PCSK5: variants seen among roughly 807,000 people sequenced by gnomAD.
The protein encoded by PCSK5 is proprotein convertase subtilisin/kexin type 5, also known as prohormone convertase 5.
A neutral mutation model predicts 233.2 loss-of-function variants in PCSK5; 129 were observed. The observed-to-expected ratio is 0.55, with a 90% CI of 0.48 to 0.64. PCSK5 has a LOEUF of 0.64. Among genes scored for constraint, PCSK5 ranks in the 30% least tolerant of loss-of-function variants. The probability of loss-of-function intolerance (pLI) is 0.00; values close to 1 mark genes in which losing one functional copy is unlikely to be tolerated. For synonymous variants in PCSK5, 825 were observed against 879.2 expected (o/e 0.94, Z 1.09); for missense variants, 2,076 against 2,430.1 (o/e 0.85, Z 3.06).
At chr9:76,334,255 C>A (rs897718513) in intron 34 of PCSK5, among the ~76,000 whole-genome samples, 2 of 152,180 alleles carry the variant, frequency 1.3e-5, no homozygotes, top group Non-Finnish European at 2.9e-5. Context: ...TATGGGAGTA[C>A]AATTCAAGAT....
chr9:75,985,156 GGCTGATTCT>G (rs1826452932), intron 2 of PCSK5, among the ~76,000 whole-genome samples: 1 of 152,118 alleles, frequency 6.6e-6, no homozygotes, highest in Admixed American at 6.6e-5. Context: ...ATGCCACCAG[GGCTGATTCT>G]GCATTTGAGA....
intron 9 of PCSK5, among the ~76,000 whole-genome samples, chr9:76,110,762 A>C (rs1832178844): frequency 1.3e-5 from 2 of 152,192 alleles, no homozygotes; most frequent in Admixed American, 1.3e-4. Flanking sequence ...GAAACAGATA[A>C]ACTTAAAAGT....
chr9:75,940,175 T>G (rs1193817183), intron 2 of PCSK5, among the ~76,000 whole-genome samples: 2 of 152,238 alleles, frequency 1.3e-5, no homozygotes, highest in African/African-American at 4.8e-5. Context: ...TTTCTATATT[T>G]TAAGAGATTT....
chr9:76,130,978 G>A (rs759613370), intron 9 of PCSK5, among the ~76,000 whole-genome samples: 3 of 152,124 alleles, frequency 2.0e-5, no homozygotes, highest in Admixed American at 6.5e-5. Context: ...TATTCTTGGA[G>A]ATCAGAGAGG....
intron 10 of PCSK5, among the ~76,000 whole-genome samples, chr9:76,155,418 C>T (rs1823849821): frequency 6.6e-6 from 1 of 152,160 alleles, no homozygotes; most frequent in South Asian, 2.1e-4. Context: ...CCTCTATGTG[C>T]ATCAAGTTCT....
chr9:76,014,130 G>A (rs1278097321), intron 3 of PCSK5, among the ~76,000 whole-genome samples: 1 of 151,508 alleles, frequency 6.6e-6, no homozygotes, highest in African/African-American at 2.4e-5. Flanking sequence ...GGACCGAGAG[G>A]GTGAAGAGTT....
intron 1 of PCSK5, among the ~76,000 whole-genome samples, chr9:75,904,432 C>G (rs1161067732): frequency 6.6e-6 from 1 of 152,134 alleles, no homozygotes; most frequent in Non-Finnish European, 1.5e-5. Context: ...AATTCTCACT[C>G]TCAATAATAA....
rs2131433744 is a variant in PCSK5, at chr9:76,308,661, C to T, written c.3621C>T (p.Leu1207=). The T allele has an allele frequency of 6.2e-7, 1 of 1,605,032 alleles. No homozygotes were observed. The highest frequency in any genetic ancestry group is 1.3e-5 in the African/African-American group (1 of 74,854). ...CTCATACAGATATTTTGAGAAAACTCCAGCCTTGTCATTCTTCTTGTAAAA... is the reference window on the plus strand; with the variant it reads ...CTCATACAGATATTTTGAGAAAACTTCAGCCTTGTCATTCTTCTTGTAAAA... ...VQIKRDILRK[L]QPCHSSCKTC... The change falls in exon 29 of 38, where the codon CTC becomes CTT. Residue 1207 remains leucine (L), a synonymous_variant. Transcript: ENST00000674117.
intron 10 of PCSK5, among the ~76,000 whole-genome samples, chr9:76,142,093 A>G (rs1823254333): frequency 6.6e-6 from 1 of 152,016 alleles, no homozygotes; most frequent in Non-Finnish European, 1.5e-5. Flanking sequence ...GAGTTTACCT[A>G]TATAACAAAC....
At chr9:75,981,146 C>A (rs186222611) in intron 2 of PCSK5, among the ~76,000 whole-genome samples, 1 of 152,198 alleles carries the variant, frequency 6.6e-6, no homozygotes, top group Non-Finnish European at 1.5e-5. Flanking sequence ...GAATATTAAT[C>A]TCGTATCTTC....
At chr9:76,289,893 T>A (rs1828225653) in intron 24 of PCSK5, among the ~76,000 whole-genome samples, 1 of 152,234 alleles carries the variant, frequency 6.6e-6, no homozygotes, top group Non-Finnish European at 1.5e-5. Context: ...GCAACTGGGC[T>A]GGAAAAGTCC....
chr9:75,906,522 G>A (rs1306668094), intron 1 of PCSK5, among the ~76,000 whole-genome samples: 1 of 152,180 alleles, frequency 6.6e-6, no homozygotes, highest in African/African-American at 2.4e-5. Context: ...ACTGCGCCCA[G>A]CCGCAGATAC....
intron 5 of PCSK5, among the ~76,000 whole-genome samples, chr9:76,045,361 A>G (rs911649150): frequency 2.6e-5 from 4 of 152,162 alleles, no homozygotes; most frequent in Non-Finnish European, 5.9e-5. Flanking sequence ...CAAAAATTTG[A>G]TCTACCTTGT....
At chr9:75,992,180 C>T (rs1021754263) in intron 3 of PCSK5, among the ~76,000 whole-genome samples, 1 of 152,134 alleles carries the variant, frequency 6.6e-6, no homozygotes, top group Non-Finnish European at 1.5e-5. Flanking sequence ...TGAAGTCCCT[C>T]GTGATCTCTA....
At chr9:76,348,230 G>T (rs1162911991) in intron 35 of PCSK5, among the ~76,000 whole-genome samples, 1 of 152,186 alleles carries the variant, frequency 6.6e-6, no homozygotes, top group Non-Finnish European at 1.5e-5. Context: ...CCAACATGGT[G>T]AAACCTCATG....
intron 2 of PCSK5, among the ~76,000 whole-genome samples, chr9:75,962,152 T>A (rs943402391): frequency 6.6e-6 from 1 of 151,786 alleles, no homozygotes; most frequent in African/African-American, 2.4e-5. Flanking sequence ...GTTGAGAGAG[T>A]GTGGTCAGGG....
At chr9:76,165,840 C>T (rs990302284) in intron 12 of PCSK5, among the ~76,000 whole-genome samples, 6 of 152,174 alleles carry the variant, frequency 3.9e-5, no homozygotes, top group African/African-American at 1.2e-4. Flanking sequence ...TGGATGTTCA[C>T]GCTGGGCATT....
At chr9:75,991,322 C>T (rs1330985272) in intron 3 of PCSK5, among the ~76,000 whole-genome samples, 4 of 152,100 alleles carry the variant, frequency 2.6e-5, no homozygotes, top group South Asian at 2.1e-4. Flanking sequence ...GTATTTCTGG[C>T]GAGTTTCCAA....
intron 7 of PCSK5, among the ~76,000 whole-genome samples, chr9:76,073,779 G>C (rs571974752): frequency 7.2e-5 from 11 of 152,048 alleles, no homozygotes; most frequent in Non-Finnish European, 1.3e-4. Context: ...CAGACTAGTA[G>C]GCGTGTCACT....
Sources: gnomAD v4.1 joint callset for allele counts (sites outside exome capture counted in the v4.1 genomes callset) on GRCh38, gnomAD v4.1.1 for gene constraint, MANE v1.5 for transcripts, NCBI Gene and HGNC (gene_info 2026-07-23, HGNC 2026-07-21) for gene names.